MSI2: variants seen among roughly 807,000 people sequenced by gnomAD.
The protein encoded by MSI2 is musashi RNA binding protein 2, also known as RNA-binding protein Musashi homolog 2.
In MSI2, 17 loss-of-function variants were observed where a neutral mutation model predicts 45.6. The observed-to-expected ratio is 0.37, with a 90% CI of 0.26 to 0.56. The LOEUF (loss-of-function observed/expected upper bound fraction) is 0.56. Ranked by LOEUF, MSI2 falls within the 20% of genes least tolerant of loss-of-function variation. MSI2 has a pLI of 0.77. For missense variants in MSI2, 293 were observed against 444.2 expected (o/e 0.66, Z 3.06); for synonymous variants, 156 against 158.2 (o/e 0.99, Z 0.11).
At chr17:57,649,183 A>C (rs1478934178) in intron 10 of MSI2, among the ~76,000 whole-genome samples, 1 of 152,102 alleles carries the variant, frequency 6.6e-6, no homozygotes, top group East Asian at 1.9e-4. Context: ...TACCCAACAC[A>C]TGTACACAAT....
intron 5 of MSI2, among the ~76,000 whole-genome samples, chr17:57,378,495 C>T (rs1180549057): frequency 1.3e-5 from 2 of 152,126 alleles, no homozygotes; most frequent in African/African-American, 2.4e-5. Flanking sequence ...ATCTCCTGAC[C>T]TAGTGATCTG....
chr17:57,458,927 GGTA>G (rs1381299734), intron 6 of MSI2, among the ~76,000 whole-genome samples: 2 of 152,162 alleles, frequency 1.3e-5, no homozygotes, highest in Non-Finnish European at 2.9e-5. Flanking sequence ...GTTTGCTTTG[GGTA>G]ACTATGGCAG....
intron 7 of MSI2, among the ~76,000 whole-genome samples, chr17:57,540,242 T>C (rs752363459): frequency 1.5e-4 from 23 of 152,362 alleles, no homozygotes; most frequent in Non-Finnish European, 2.9e-4. Context: ...TATCTGTAAA[T>C]GTTAACTTTG....
chr17:57,476,865 A>G (rs1233802118), intron 6 of MSI2, among the ~76,000 whole-genome samples: 1 of 152,138 alleles, frequency 6.6e-6, no homozygotes, highest in African/African-American at 2.4e-5. Flanking sequence ...GTAAGGAAAT[A>G]CCTGGTTCTC....
At chr17:57,289,111 A>G (rs1456239300) in intron 5 of MSI2, among the ~76,000 whole-genome samples, 1 of 152,212 alleles carries the variant, frequency 6.6e-6, no homozygotes, top group Non-Finnish European at 1.5e-5. Flanking sequence ...CATGAAATTC[A>G]AGAGCAGGAA....
intron 11 of MSI2, among the ~76,000 whole-genome samples, chr17:57,668,091 C>T (rs1912506699): frequency 6.6e-6 from 1 of 152,148 alleles, no homozygotes. Context: ...CCCAGGTACT[C>T]AGAAGGCTGA....
intron 5 of MSI2, among the ~76,000 whole-genome samples, chr17:57,340,033 A>G (rs1169015386): frequency 6.6e-6 from 1 of 152,170 alleles, no homozygotes; most frequent in African/African-American, 2.4e-5. Flanking sequence ...ACCTGGGCTC[A>G]AGTGTGGGTT....
At chr17:57,277,079 A>G (rs71387490) in intron 5 of MSI2, among the ~76,000 whole-genome samples, 3,841 of 142,528 alleles carry the variant, frequency 0.027, 68 homozygotes, top group Non-Finnish European at 0.035. Context: ...TTTTTGAGAC[A>G]AAATTCTGCT....
chr17:57,539,773 C>T (rs2087002423), intron 7 of MSI2, among the ~76,000 whole-genome samples: 1 of 152,108 alleles, frequency 6.6e-6, no homozygotes, highest in Admixed American at 6.5e-5. Context: ...CCAGTTCATC[C>T]AAGACCAGAG....
At chr17:57,583,162 C>A (rs1175270420) in intron 7 of MSI2, among the ~76,000 whole-genome samples, 1 of 152,146 alleles carries the variant, frequency 6.6e-6, no homozygotes, top group Non-Finnish European at 1.5e-5. Context: ...TATCTCCAAT[C>A]CATGTTTTCT....
chr17:57,693,497 G>A, the MSI2 span, among the ~76,000 whole-genome samples: 87,562 of 152,018 alleles, frequency 0.58, 25,528 homozygotes, highest in African/African-American at 0.66. Context: ...TCAAGTTTAC[G>A]GATCAGCTAG....
At chr17:57,629,723 C>T (rs1909166994) in intron 10 of MSI2, 1 of 152,592 alleles carries the variant, frequency 6.6e-6, no homozygotes, top group South Asian at 2.1e-4. Context: ...TCTTGCTCAG[C>T]CCAGAAGCTG....
At chr17:57,491,771 T>G (rs138457199) in intron 6 of MSI2, among the ~76,000 whole-genome samples, 59 of 152,260 alleles carry the variant, frequency 3.9e-4, no homozygotes, top group African/African-American at 1.4e-3. Context: ...CCTTCACGAC[T>G]GCTCTAATGA....
At chr17:57,274,660 G>GAC (rs766309067) in intron 5 of MSI2, among the ~76,000 whole-genome samples, 3 of 152,192 alleles carry the variant, frequency 2.0e-5, no homozygotes, top group East Asian at 1.9e-4. Flanking sequence ...TACAAAAGAA[G>GAC]ACACACACAC....
At chr17:57,614,049 A>AT (rs1397399850) in intron 8 of MSI2, among the ~76,000 whole-genome samples, 3 of 151,620 alleles carry the variant, frequency 2.0e-5, no homozygotes, top group Non-Finnish European at 4.4e-5. Flanking sequence ...TTTTCGTTTT[A>AT]TTTATTTTTT....
chr17:57,341,346 G>T (rs1252375158), intron 5 of MSI2, among the ~76,000 whole-genome samples: 7 of 152,220 alleles, frequency 4.6e-5, no homozygotes, highest in African/African-American at 1.7e-4. Context: ...GCATTTAAAA[G>T]AAAGGTAATC....
chr17:57,614,851 G>A (rs1444552056), intron 8 of MSI2, among the ~76,000 whole-genome samples: 1 of 152,182 alleles, frequency 6.6e-6, no homozygotes, highest in Admixed American at 6.5e-5. Flanking sequence ...TTAAATAAGT[G>A]ACCTCTGGGT....
intron 7 of MSI2, among the ~76,000 whole-genome samples, chr17:57,561,006 A>C (rs2087561711): frequency 6.6e-6 from 1 of 152,198 alleles, no homozygotes; most frequent in African/African-American, 2.4e-5. Flanking sequence ...CTTCAGGGGA[A>C]ATGGTGACTT....
chr17:57,332,220 C>T (rs1337620345), intron 5 of MSI2, among the ~76,000 whole-genome samples: 1 of 152,044 alleles, frequency 6.6e-6, no homozygotes, highest in Non-Finnish European at 1.5e-5. Context: ...CCTGCCTCAG[C>T]CTCCCTAGGA....
Sources: allele counts gnomAD v4.1 joint callset (sites outside exome capture counted in the v4.1 genomes callset), GRCh38; gene constraint gnomAD v4.1.1; transcripts MANE v1.5; gene names NCBI Gene and HGNC (gene_info 2026-07-23, HGNC 2026-07-21).